Variants in STK3 observed in about 807,000 individuals in gnomAD.
STK3 encodes the protein serine/threonine kinase 3, also known as serine/threonine-protein kinase 3.
In STK3, 41 loss-of-function variants were observed where a neutral mutation model predicts 58.0. The ratio of observed to expected loss-of-function variants is 0.71; its 90% CI spans 0.55 to 0.92. The LOEUF (loss-of-function observed/expected upper bound fraction) is 0.92, where lower values mean the gene tolerates loss of function less well. Among genes scored for constraint, STK3 ranks in the 40% least tolerant of loss-of-function variants. The probability of loss-of-function intolerance (pLI) is 0.00; values close to 1 mark genes in which losing one functional copy is unlikely to be tolerated. For synonymous variants in STK3, 170 were observed against 191.0 expected (o/e 0.89, Z 0.91); for missense variants, 479 against 602.7 (o/e 0.79, Z 2.15).
At chr8:98,423,328 C>A (rs949211241) in intron 3 of STK3, among the ~76,000 whole-genome samples, 5 of 152,236 alleles carry the variant, frequency 3.3e-5, no homozygotes, top group African/African-American at 1.2e-4. Flanking sequence ...AAGAAGGGGC[C>A]TGCCCCGTGA....
At chr8:98,856,820 T>C (rs562169356) in intron 3 of STK3, among the ~76,000 whole-genome samples, 12 of 152,276 alleles carry the variant, frequency 7.9e-5, no homozygotes, top group African/African-American at 2.6e-4. Flanking sequence ...CATCAACTAA[T>C]GAACAGATAA....
At position 98,738,260 on chromosome 8, in the gene STK3, G is replaced by A. The variant is rs572063822; in HGVS notation, c.351+11016C>T. On this transcript the variant is annotated intron_variant, in intron 4 of 10. Coordinates refer to ENST00000419617, the MANE Select transcript of STK3 (RefSeq NM_006281.4). ...TAGATGACCGGGTGGATCACCCCACGTCAGGAGTTCCAGACCAGCCTGGCC... is the reference window on the plus strand; with the variant it reads ...TAGATGACCGGGTGGATCACCCCACATCAGGAGTTCCAGACCAGCCTGGCC... Among the ~76,000 whole-genome samples, 356 of 152,086 alleles carry A rather than the reference G, an allele frequency of 2.3e-3. 2 individuals carry two copies. The highest frequency in any genetic ancestry group is 8.2e-3 in the African/African-American group (340 of 41,502).
chr8:98,708,096 A>T (rs897790093), intron 4 of STK3, among the ~76,000 whole-genome samples: 1 of 151,892 alleles, frequency 6.6e-6, no homozygotes, highest in African/African-American at 2.4e-5. Context: ...CTGAGATCAC[A>T]TCACTGCATG....
At chr8:98,451,892 A>AC (rs1182959410), downstream of STK3, among the ~76,000 whole-genome samples, 4 of 122,780 alleles carry the variant, frequency 3.3e-5, no homozygotes, top group Admixed American at 8.3e-5. Flanking sequence ...GGCCAAAAAA[A>AC]AAAAAACAAA....
rs552881180 is a variant in STK3, at chr8:98,568,998, T to G, written c.948+10666A>C. ...GGAAAAGATGTATACCAAGGCACATTATTAGGAAAGTTTTAAATAACAGGG... is the reference window on the plus strand; with the variant it reads ...GGAAAAGATGTATACCAAGGCACATGATTAGGAAAGTTTTAAATAACAGGG... On this transcript the variant is annotated intron_variant, in intron 8 of 10. Coordinates refer to ENST00000419617, the MANE Select transcript of STK3 (RefSeq NM_006281.4). Among the ~76,000 whole-genome samples, 12 of 152,164 alleles carry G rather than the reference T, an allele frequency of 7.9e-5. No individual in the cohort carries two copies. In the South Asian group the frequency reaches 2.3e-3, roughly 29 times the overall value.
rs556335691 is a variant in STK3 at position 98,492,134 on chromosome 8, A to G, written c.1317+34608T>C. On this transcript the variant is annotated intron_variant, in intron 10 of 10. Coordinates refer to ENST00000419617, the MANE Select transcript of STK3 (RefSeq NM_006281.4). ...TATTAAATTTTCATAAAGCATCTCC[A>G]AAAAGCTCAATGACACACACTAATA... Among the ~76,000 whole-genome samples the G allele has an allele frequency of 2.8e-4, 42 of 152,336 alleles. 1 individual carries two copies. Among genetic ancestry groups the G allele is most frequent in the African/African-American group, 7.7e-4 (32 of 41,580 alleles).
intron 6 of STK3, among the ~76,000 whole-genome samples, chr8:98,671,606 G>T (rs1200311034): frequency 6.6e-6 from 1 of 151,606 alleles, no homozygotes; most frequent in East Asian, 1.9e-4. Flanking sequence ...TTGGGACAGG[G>T]TCTCTCGCTC....
At chr8:98,793,339 A>AT (rs1274962515) in intron 1 of STK3, among the ~76,000 whole-genome samples, 3 of 152,094 alleles carry the variant, frequency 2.0e-5, no homozygotes, top group Non-Finnish European at 2.9e-5. Context: ...TTAAAAAAAA[A>AT]TTTTAATAAA....
At chr8:98,762,776 T>C (rs558179468) in intron 3 of STK3, among the ~76,000 whole-genome samples, 6 of 152,332 alleles carry the variant, frequency 3.9e-5, no homozygotes, top group African/African-American at 1.4e-4. Context: ...TGTGTACATA[T>C]TACCTGCCAC....
At chr8:98,695,724 G>C (rs1213782460) in intron 6 of STK3, among the ~76,000 whole-genome samples, 2 of 151,928 alleles carry the variant, frequency 1.3e-5, no homozygotes, top group Non-Finnish European at 2.9e-5. Flanking sequence ...TTTGGTACCA[G>C]TACCATGCTG....
chr8:98,879,823 A>G (rs1180152294), downstream of STK3: 1 of 152,248 alleles, frequency 6.6e-6, no homozygotes, highest in East Asian at 1.9e-4. Flanking sequence ...CAATAACATG[A>G]TAATTAATAT....
At chr8:98,694,329 A>G (rs1043373622) in intron 6 of STK3, among the ~76,000 whole-genome samples, 1 of 152,090 alleles carries the variant, frequency 6.6e-6, no homozygotes, top group Non-Finnish European at 1.5e-5. Flanking sequence ...ACAGAGATAG[A>G]GACCTTTTTT....
chr8:98,608,411 G>T (rs764543859), intron 6 of STK3, among the ~76,000 whole-genome samples: 2 of 152,066 alleles, frequency 1.3e-5, no homozygotes, highest in Non-Finnish European at 2.9e-5. Context: ...TGCAAACCAG[G>T]GAAACTAACA....
chr8:98,511,063 T>C (rs754256337), intron 10 of STK3, among the ~76,000 whole-genome samples: 3 of 152,082 alleles, frequency 2.0e-5, no homozygotes, highest in Non-Finnish European at 4.4e-5. Context: ...TTAAACCAAG[T>C]AATCCTAAAT....
intron 1 of STK3, among the ~76,000 whole-genome samples, chr8:98,386,797 T>C (rs535723081): frequency 1.3e-5 from 2 of 152,058 alleles, no homozygotes; most frequent in African/African-American, 2.4e-5. Flanking sequence ...CTGGCAAACA[T>C]GGTGAAACCC....
intron 10 of STK3, among the ~76,000 whole-genome samples, chr8:98,523,110 A>G (rs1825486696): frequency 6.6e-6 from 1 of 152,092 alleles, no homozygotes; most frequent in South Asian, 2.1e-4. Context: ...TTTTTGAGGA[A>G]CCACCATACT....
chr8:98,434,852 G>A (rs770729460), intron 2 of STK3, among the ~76,000 whole-genome samples: 3 of 152,170 alleles, frequency 2.0e-5, no homozygotes, highest in East Asian at 1.9e-4. Flanking sequence ...ATAAAGGAAA[G>A]GGCAGAGAAG....
chr8:98,364,134 A>T, the STK3 span, among the ~76,000 whole-genome samples: 1 of 152,134 alleles, frequency 6.6e-6, no homozygotes, highest in South Asian at 2.1e-4. Context: ...GCATCTCCAG[A>T]CAGCCTGGAG....
chr8:98,452,401 T>A (rs1229340417), downstream of STK3, among the ~76,000 whole-genome samples: 2 of 152,250 alleles, frequency 1.3e-5, no homozygotes, highest in Non-Finnish European at 2.9e-5. Context: ...TTTGCCAAAT[T>A]AGTTCATACT....
Sources: allele counts gnomAD v4.1 joint callset (sites outside exome capture counted in the v4.1 genomes callset), GRCh38; gene constraint gnomAD v4.1.1; transcripts MANE v1.5; gene names NCBI Gene and HGNC (gene_info 2026-07-23, HGNC 2026-07-21).